Variants in HS3ST4 observed in about 807,000 individuals in gnomAD.
The protein encoded by HS3ST4 is heparan sulfate glucosamine 3-O-sulfotransferase 4.
In HS3ST4, 17 loss-of-function variants were observed where a neutral mutation model predicts 29.2. The observed-to-expected ratio is 0.58, with a 90% CI of 0.40 to 0.87. HS3ST4 has a LOEUF of 0.87. HS3ST4 is among the 40% of genes least tolerant of loss of function. The pLI is 0.00. For synonymous variants in HS3ST4, 314 were observed against 285.7 expected, an observed-to-expected ratio of 1.10 and a Z score of -1.00; for missense variants, 627 against 634.5, an observed-to-expected ratio of 0.99 and a Z score of 0.13.
chr16:26,055,614 T>C (rs11643155), intron 1 of HS3ST4, among the ~76,000 whole-genome samples: 74,063 of 151,638 alleles, frequency 0.49, 18,976 homozygotes, highest in South Asian at 0.61. Context: ...TTGAAAAGTT[T>C]CCCGCATAAT....
chr16:26,101,445 G>C (rs564822113), intron 1 of HS3ST4, among the ~76,000 whole-genome samples: 5 of 152,342 alleles, frequency 3.3e-5, no homozygotes, highest in Admixed American at 1.3e-4. Flanking sequence ...GCCACCACTG[G>C]AGTGTAGCTC....
intron 1 of HS3ST4, among the ~76,000 whole-genome samples, chr16:26,125,817 C>T (rs191506308): frequency 6.6e-6 from 1 of 152,196 alleles, no homozygotes; most frequent in Admixed American, 6.5e-5. Context: ...GTTTTCTTAT[C>T]TCTCAGTCAT....
At chr16:26,000,451 A>C (rs1279268250) in intron 1 of HS3ST4, among the ~76,000 whole-genome samples, 1 of 152,128 alleles carries the variant, frequency 6.6e-6, no homozygotes, top group African/African-American at 2.4e-5. Flanking sequence ...GGATGGCCAA[A>C]CTTGGAATAC....
intron 1 of HS3ST4, among the ~76,000 whole-genome samples, chr16:26,084,550 T>C (rs1288509735): frequency 2.0e-5 from 3 of 152,160 alleles, no homozygotes; most frequent in Non-Finnish European, 2.9e-5. Context: ...ACAGTGATCA[T>C]GCGTCTATCA....
chr16:25,728,862 C>T (rs1357007764), intron 1 of HS3ST4, among the ~76,000 whole-genome samples: 1 of 152,154 alleles, frequency 6.6e-6, no homozygotes. Flanking sequence ...GCAGAAGGAT[C>T]TTGTGAGCCC....
intron 1 of HS3ST4, among the ~76,000 whole-genome samples, chr16:26,035,993 A>G (rs1375920813): frequency 6.6e-6 from 1 of 152,224 alleles, no homozygotes; most frequent in Non-Finnish European, 1.5e-5. Context: ...GTAGGTAAAG[A>G]CAGCAGGTGT....
chr16:25,853,307 TG>T lies in HS3ST4; in HGVS notation c.734+160157del, dbSNP rs1186063897. ...TGAAATCTTTGTGAGTGTGTGTGTG[TG>T]TGTGTATATATATATATATATATTC... is the stretch of plus-strand genomic sequence containing the variant. On this transcript the variant is annotated intron_variant, in intron 1 of 1. Transcript: ENST00000331351. Among the ~76,000 whole-genome samples, 3 of 106,562 alleles carry T rather than the reference TG, an allele frequency of 2.8e-5. No homozygotes were observed. The East Asian group carries it at 6.5e-4, about 23-fold the overall frequency. The allele number at this position is 106,562 out of a possible 152,430, so 69.9% of individuals were successfully genotyped here. A position where few individuals can be genotyped will look rare whatever the true frequency, so the allele number is the denominator to read the frequency against.
In HS3ST4 at chr16:25,869,232, G is replaced by C. The variant is rs544628794; in HGVS notation, c.734+176081G>C. 2.6e-5 allele frequency among the ~76,000 whole-genome samples: 4 copies of C among 152,186 alleles called. No homozygotes were observed. The East Asian group carries it at 7.8e-4, about 30-fold the overall frequency. On this transcript the variant is annotated intron_variant, in intron 1 of 1. Transcript: ENST00000331351. ...TGCTCTCCGTGGAGAAACAGCATTGGTGGTGTGGGTTCACAGCTTCCCCTA... is the reference window on the plus strand; with the variant it reads ...TGCTCTCCGTGGAGAAACAGCATTGCTGGTGTGGGTTCACAGCTTCCCCTA...
intron 1 of HS3ST4, among the ~76,000 whole-genome samples, chr16:25,900,556 C>T (rs1172231099): frequency 6.6e-6 from 1 of 152,130 alleles, no homozygotes; most frequent in African/African-American, 2.4e-5. Context: ...TTTGGATCCT[C>T]ACATGTGCCA....
At chr16:26,090,931 A>T (rs1034601338) in intron 1 of HS3ST4, among the ~76,000 whole-genome samples, 2 of 152,158 alleles carry the variant, frequency 1.3e-5, no homozygotes, top group African/African-American at 4.8e-5. Flanking sequence ...AGTCTCAGTT[A>T]ACAAGGCTAG....
At chr16:26,070,995 G>A (rs968689643) in intron 1 of HS3ST4, among the ~76,000 whole-genome samples, 3 of 152,204 alleles carry the variant, frequency 2.0e-5, no homozygotes, top group South Asian at 2.1e-4. Flanking sequence ...AGAAACCTCA[G>A]ACATTCTGTG....
chr16:25,981,510 A>G (rs1384084016), intron 1 of HS3ST4, among the ~76,000 whole-genome samples: 1 of 151,840 alleles, frequency 6.6e-6, no homozygotes. Flanking sequence ...ACCTGCCCTC[A>G]TTTCACACCT....
intron 1 of HS3ST4, among the ~76,000 whole-genome samples, chr16:25,703,107 C>T (rs901728774): frequency 4.0e-5 from 6 of 151,884 alleles, no homozygotes; most frequent in Non-Finnish European, 8.8e-5. Flanking sequence ...TGCATTGAGC[C>T]GAGATTGCAC....
chr16:25,943,146 AC>A (rs1968589727), intron 1 of HS3ST4, among the ~76,000 whole-genome samples: 1 of 152,162 alleles, frequency 6.6e-6, no homozygotes, highest in African/African-American at 2.4e-5. Flanking sequence ...TATTTTTCTC[AC>A]CAGCCACATT....
At chr16:25,699,438 A>G (rs59902576) in intron 1 of HS3ST4, among the ~76,000 whole-genome samples, 9,282 of 152,184 alleles carry the variant, frequency 0.061, 342 homozygotes, top group Middle Eastern at 0.092. Context: ...GAAATTCTCA[A>G]TTTTTCACTC....
intron 1 of HS3ST4, among the ~76,000 whole-genome samples, chr16:25,823,133 T>C (rs1172532924): frequency 2.0e-5 from 3 of 152,198 alleles, no homozygotes; most frequent in Non-Finnish European, 4.4e-5. Flanking sequence ...TTGCACCTGC[T>C]ATGTTTAGGA....
At chr16:25,745,178 C>T (rs1427269368) in intron 1 of HS3ST4, among the ~76,000 whole-genome samples, 1 of 151,852 alleles carries the variant, frequency 6.6e-6, no homozygotes, top group African/African-American at 2.4e-5. Context: ...AATTACATAC[C>T]CAGATAAAAA....
chr16:25,761,480 T>G (rs1375454558), intron 1 of HS3ST4, among the ~76,000 whole-genome samples: 1 of 152,212 alleles, frequency 6.6e-6, no homozygotes, highest in Non-Finnish European at 1.5e-5. Flanking sequence ...TCCTGGACAG[T>G]CAACCTCAGC....
intron 1 of HS3ST4, among the ~76,000 whole-genome samples, chr16:25,928,231 G>C (rs1276716082): frequency 2.0e-5 from 3 of 150,886 alleles, no homozygotes; most frequent in Non-Finnish European, 4.4e-5. Flanking sequence ...CAGGCATTGT[G>C]GCCTGTGCCT....
Sources: allele counts gnomAD v4.1 joint callset (sites outside exome capture counted in the v4.1 genomes callset), GRCh38; gene constraint gnomAD v4.1.1; transcripts MANE v1.5; gene names NCBI Gene and HGNC (gene_info 2026-07-23, HGNC 2026-07-21).